HIVEP3: variants seen among roughly 807,000 people sequenced by gnomAD.
HIVEP3 encodes HIVEP zinc finger 3, also known as transcription factor HIVEP3.
In HIVEP3, 49 loss-of-function variants were observed where a neutral mutation model predicts 152.8. The observed-to-expected ratio is 0.32, with a 90% confidence interval of 0.26 to 0.41. The LOEUF (loss-of-function observed/expected upper bound fraction) is 0.41, where lower values mean the gene tolerates loss of function less well. HIVEP3 is among the 10% of genes least tolerant of loss of function. HIVEP3 has a pLI of 1.00. For missense variants in HIVEP3, 2,790 were observed against 3,103.3 expected (o/e 0.90, Z 2.40); for synonymous variants, 1,269 against 1,289.0 (o/e 0.98, Z 0.33).
chr1:41,526,821 CCA>C (rs1642958249), intron 5 of HIVEP3, among the ~76,000 whole-genome samples: 1 of 133,340 alleles, frequency 7.5e-6, no homozygotes, highest in Non-Finnish European at 1.6e-5. Flanking sequence ...ATACACCCCC[CCA>C]CACTCCCTCA....
intron 1 of HIVEP3, among the ~76,000 whole-genome samples, chr1:41,950,308 T>A (rs543380313): frequency 5.3e-5 from 8 of 151,094 alleles, no homozygotes; most frequent in African/African-American, 1.7e-4. Flanking sequence ...ATCTTGCAAC[T>A]GCAAAACAAA....
In HIVEP3 at chr1:41,583,077, C is replaced by T. The variant is rs776903297; in HGVS notation, c.1721G>A (p.Ser574Asn). The T allele has an allele frequency of 3.7e-6, 6 of 1,613,654 alleles. No homozygotes were observed. In the East Asian group the frequency reaches 1.3e-4, roughly 36 times the overall value. Residue 574 changes from serine to asparagine, a missense_variant, in exon 4 of 9, where the codon AGC becomes AAC. By Grantham distance (46) the Ser-to-Asn change is conservative. This residue lies in a region of HIVEP3 where 339 missense variants were observed against 327.0 expected (regional missense o/e 1.04). Coordinates refer to ENST00000372583, the MANE Select transcript of HIVEP3 (RefSeq NM_024503.5). This position sits in a 1 kb window ranked among gnomAD's most constrained non-coding sequence, Gnocchi z 6.9. ...GGAGGTAAACACGTGACTGCTGTGG[C>T]TCAGGGCTTCGGAGTCGGTGATATG... ...DDHITDSEALSHSSHVFTSHP... is the reference protein window; with the variant it reads ...DDHITDSEALNHSSHVFTSHP...
At chr1:41,853,337 A>G (rs1643657019) in intron 1 of HIVEP3, among the ~76,000 whole-genome samples, 1 of 152,234 alleles carries the variant, frequency 6.6e-6, no homozygotes, top group Non-Finnish European at 1.5e-5. Context: ...ATTGACTCGT[A>G]GTTCTGCATG....
Position 41,580,872 on chromosome 1 carries a change from G to A in HIVEP3, c.3926C>T (p.Ala1309Val), listed in dbSNP as rs751448299. 2 of 1,607,140 alleles carry A rather than the reference G, an allele frequency of 1.2e-6. No homozygotes were observed. Residue 1309 changes from alanine to valine, a missense_variant, in exon 4 of 9, where the codon GCC becomes GTC. This residue lies in a region of HIVEP3 where 1,078 missense variants were observed against 1,165.3 expected (regional missense o/e 0.93). Transcript: ENST00000372583. ...PTSAPPLALP[A>V]CPDTMVSLVV... ...CAGGGACACCATGGTGTCTGGACAGGCAGGCAGGGCCAGTGGAGGAGCTGA... is the reference window on the plus strand; with the variant it reads ...CAGGGACACCATGGTGTCTGGACAGACAGGCAGGGCCAGTGGAGGAGCTGA...
At chr1:41,887,963 T>C (rs960714845) in intron 1 of HIVEP3, among the ~76,000 whole-genome samples, 1 of 151,964 alleles carries the variant, frequency 6.6e-6, no homozygotes, top group African/African-American at 2.4e-5. Context: ...CAGTGGTTTC[T>C]GAGTCAGACA....
In HIVEP3 at chr1:41,556,255, A is replaced by G. The variant is rs187354210; in HGVS notation, c.5207+19289T>C. ...TTTCACGCTCCCACCAGCAGCGTACAAAGGTTCCAATTTCTCCACATCCTT... is the reference window on the plus strand; with the variant it reads ...TTTCACGCTCCCACCAGCAGCGTACGAAGGTTCCAATTTCTCCACATCCTT... On this transcript the variant is annotated intron_variant, in intron 5 of 8. Coordinates refer to ENST00000372583, the MANE Select transcript of HIVEP3 (RefSeq NM_024503.5). Among the ~76,000 whole-genome samples the G allele has an allele frequency of 1.2e-4, 18 of 152,344 alleles. No individual in the cohort carries two copies. In the East Asian group the frequency reaches 3.1e-3, roughly 26 times the overall value.
At chr1:41,560,696 C>T (rs370879177) in intron 5 of HIVEP3, among the ~76,000 whole-genome samples, 219 of 152,360 alleles carry the variant, frequency 1.4e-3, no homozygotes, top group African/African-American at 5.1e-3. Flanking sequence ...TTTCTTCATA[C>T]ACCACAGCGG....
At chr1:41,974,129 G>T (rs1037689304) in intron 1 of HIVEP3, among the ~76,000 whole-genome samples, 4 of 152,138 alleles carry the variant, frequency 2.6e-5, no homozygotes, top group African/African-American at 9.7e-5. Flanking sequence ...AGGGCAGGGG[G>T]TGGAGGTAGA....
At chr1:41,709,836 A>C (rs1646487340) in intron 1 of HIVEP3, among the ~76,000 whole-genome samples, 1 of 152,168 alleles carries the variant, frequency 6.6e-6, no homozygotes, top group Non-Finnish European at 1.5e-5. Context: ...AGTTCAGGGC[A>C]ATGGGGTCAA....
intron 2 of HIVEP3, among the ~76,000 whole-genome samples, chr1:41,660,527 T>C (rs182175686): frequency 1.3e-4 from 20 of 152,322 alleles, no homozygotes; most frequent in African/African-American, 4.6e-4. Context: ...ACTGTTTAGC[T>C]GTGTGACCTC....
chr1:41,697,048 C>A (rs939635125), intron 2 of HIVEP3, among the ~76,000 whole-genome samples: 4 of 152,174 alleles, frequency 2.6e-5, no homozygotes, highest in Non-Finnish European at 5.9e-5. Context: ...TCCAACCCCG[C>A]GTTGCACAGA....
chr1:41,589,525 T>C (rs1007747088), intron 3 of HIVEP3, among the ~76,000 whole-genome samples: 1 of 152,156 alleles, frequency 6.6e-6, no homozygotes, highest in Non-Finnish European at 1.5e-5. Flanking sequence ...GCACCTTCTG[T>C]ATCGAAGGCG....
intron 1 of HIVEP3, among the ~76,000 whole-genome samples, chr1:41,929,189 G>A (rs1397026541): frequency 6.6e-6 from 1 of 151,970 alleles, no homozygotes; most frequent in Admixed American, 6.6e-5. Flanking sequence ...TTTATTCACT[G>A]GAATTCTTCT....
intron 1 of HIVEP3, among the ~76,000 whole-genome samples, chr1:41,901,266 A>T (rs1257824810): frequency 6.6e-6 from 1 of 152,040 alleles, no homozygotes; most frequent in Non-Finnish European, 1.5e-5. Context: ...TTGGTCATGC[A>T]TGTGGGAAGG....
At chr1:41,933,693 C>T (rs895195555) in intron 1 of HIVEP3, among the ~76,000 whole-genome samples, 1 of 152,016 alleles carries the variant, frequency 6.6e-6, no homozygotes, top group Non-Finnish European at 1.5e-5. Flanking sequence ...AAATTAAAAT[C>T]TATTTTGCTA....
At chr1:41,925,901 G>A (rs1644965873) in intron 1 of HIVEP3, among the ~76,000 whole-genome samples, 1 of 152,120 alleles carries the variant, frequency 6.6e-6, no homozygotes, top group South Asian at 2.1e-4. Flanking sequence ...GGAAGGTGTG[G>A]CCAGAAGAAC....
chr1:41,886,712 C>CAAAAAAAA (rs71062602), intron 1 of HIVEP3, among the ~76,000 whole-genome samples: 4 of 87,790 alleles, frequency 4.6e-5, no homozygotes, highest in African/African-American at 1.8e-4. Context: ...AACTCCATTT[C>CAAAAAAAA]AAAAAAAAAA....
chr1:41,848,687 G>A (rs1570661142), intron 1 of HIVEP3, among the ~76,000 whole-genome samples: 1 of 152,286 alleles, frequency 6.6e-6, no homozygotes, highest in Non-Finnish European at 1.5e-5. Context: ...CAGAAGGCGA[G>A]AGCAGAGAGG....
chr1:41,849,660 C>T (rs1018964462), intron 1 of HIVEP3, among the ~76,000 whole-genome samples: 4 of 151,888 alleles, frequency 2.6e-5, no homozygotes, highest in Non-Finnish European at 4.4e-5. Context: ...ATGACAGTGA[C>T]TGGAATGTAA....
Sources: gnomAD v4.1 joint callset for allele counts (sites outside exome capture counted in the v4.1 genomes callset) on GRCh38, gnomAD v4.1.1 for gene constraint, gnomAD v4.1.1 regional missense constraint, Gnocchi (gnomAD v3.1) non-coding constraint, MANE v1.5 for transcripts, NCBI Gene and HGNC (gene_info 2026-07-23, HGNC 2026-07-21) for gene names.